The following XKR9 variants were observed in gnomAD, a reference collection of about 807,000 sequenced individuals.
XKR9 encodes XK-related protein 9.
A neutral mutation model predicts 32.0 loss-of-function variants in XKR9; 32 were observed. The ratio of observed to expected loss-of-function variants is 1.00; its 90% confidence interval spans 0.76 to 1.34. XKR9 has a LOEUF of 1.34. Among genes scored for constraint, XKR9 ranks in the 40% most tolerant of loss-of-function variants. The pLI, the probability that XKR9 is intolerant of heterozygous loss-of-function variation, is 0.00. For missense variants in XKR9, 546 were observed against 429.7 expected (o/e 1.27, Z -2.39); for synonymous variants, 168 against 143.4 (o/e 1.17, Z -1.22).
intron 2 of XKR9, among the ~76,000 whole-genome samples, chr8:70,756,681 C>G (rs1176974893): frequency 6.6e-6 from 1 of 152,118 alleles, no homozygotes; most frequent in Non-Finnish European, 1.5e-5. Flanking sequence ...AATGTATAGA[C>G]ATACTATTGA....
chr8:70,739,875 A>G (rs1025616917), downstream of XKR9, among the ~76,000 whole-genome samples: 13 of 152,158 alleles, frequency 8.5e-5, no homozygotes, highest in Non-Finnish European at 1.5e-4. Flanking sequence ...GGGTAACCCA[A>G]CCTTTCTCTC....
chr8:70,804,314 A>T, the XKR9 span, among the ~76,000 whole-genome samples: 1 of 152,258 alleles, frequency 6.6e-6, no homozygotes, highest in Admixed American at 6.5e-5. Context: ...GTTCACAGAG[A>T]AGTAAGACTG....
chr8:71,057,180 C>T, the XKR9 span, among the ~76,000 whole-genome samples: 1 of 152,168 alleles, frequency 6.6e-6, no homozygotes, highest in Non-Finnish European at 1.5e-5. Flanking sequence ...CTTCACACAA[C>T]AGTCAGGCAT....
rs421563 is a variant in XKR9, at chr8:70,743,209, C to T, written n.352+36056C>T. The stretch of plus-strand genomic sequence containing the variant: ...ATGAATTTTTAACATTTTTCAGATA[C>T]TGCATTTTTATGTTCTTGAAATTTC... On this transcript the variant is annotated intron_variant and non_coding_transcript_variant, in intron 2 of 3. Transcript: ENST00000520273. 1.4e-3 allele frequency among the ~76,000 whole-genome samples: 212 copies of T among 152,128 alleles called. 1 individual carries two copies. Among genetic ancestry groups the T allele is most frequent in the Middle Eastern group, 6.8e-3 (2 of 292 alleles).
chr8:70,753,952 A>G (rs924000339), intron 2 of XKR9, among the ~76,000 whole-genome samples: 1 of 123,902 alleles, frequency 8.1e-6, no homozygotes, highest in Non-Finnish European at 1.9e-5. Context: ...AGGGTATTCA[A>G]CTAGGAAAAG....
downstream of XKR9, among the ~76,000 whole-genome samples, chr8:70,738,124 T>C (rs1286719752): frequency 7.7e-6 from 1 of 129,228 alleles, no homozygotes; most frequent in African/African-American, 2.7e-5. Context: ...TGGTAAGCTA[T>C]TGATTATTGC....
At chr8:70,805,372 G>T in the XKR9 span, among the ~76,000 whole-genome samples, 1 of 152,182 alleles carries the variant, frequency 6.6e-6, no homozygotes, top group Non-Finnish European at 1.5e-5. Context: ...GCTGGAATCT[G>T]CTTAGCCTAC....
the XKR9 span, among the ~76,000 whole-genome samples, chr8:70,857,719 A>C: frequency 6.6e-6 from 1 of 152,210 alleles, no homozygotes; most frequent in Non-Finnish European, 1.5e-5. Context: ...ATCCTCAATA[A>C]AATACTGGGA....
rs11781911 is a variant in XKR9, at chr8:70,760,071, C to G, written n.353-29268C>G. On this transcript the variant is annotated intron_variant and non_coding_transcript_variant, in intron 2 of 3. Coordinates refer to the XKR9 transcript ENST00000520273. Reference sequence around the variant, plus strand: ...TATTCACATGTGAAGTTACTTGTTACAGAATGAATCTAATGAACTTTAAAA... The same window carrying G: ...TATTCACATGTGAAGTTACTTGTTAGAGAATGAATCTAATGAACTTTAAAA... 5.7e-3 allele frequency among the ~76,000 whole-genome samples: 873 copies of G among 152,270 alleles called. 7 individuals are homozygous for G. Among genetic ancestry groups the G allele is most frequent in the South Asian group, 0.034 (164 of 4,824 alleles).
At chr8:70,884,113 A>T in the XKR9 span, among the ~76,000 whole-genome samples, 1 of 152,136 alleles carries the variant, frequency 6.6e-6, no homozygotes, top group East Asian at 1.9e-4. Context: ...ATTTTAAAAA[A>T]ATTTCCAATT....
chr8:71,016,348 T>C, the XKR9 span, among the ~76,000 whole-genome samples: 4 of 152,100 alleles, frequency 2.6e-5, no homozygotes, highest in African/African-American at 9.7e-5. Flanking sequence ...GAGATCTGTT[T>C]AAGCCACGCA....
At chr8:70,797,033 C>G in the XKR9 span, among the ~76,000 whole-genome samples, 5 of 152,158 alleles carry the variant, frequency 3.3e-5, no homozygotes, top group Non-Finnish European at 5.9e-5. Flanking sequence ...CATTAAACCT[C>G]CATTTATTGG....
chr8:70,887,908 C>A, the XKR9 span, among the ~76,000 whole-genome samples: 2 of 152,102 alleles, frequency 1.3e-5, no homozygotes, highest in South Asian at 2.1e-4. Context: ...ATTTGAATAC[C>A]CTTTATTTCT....
the XKR9 span, among the ~76,000 whole-genome samples, chr8:70,889,501 C>G: frequency 5.9e-5 from 9 of 151,758 alleles, no homozygotes; most frequent in Non-Finnish European, 1.0e-4. Flanking sequence ...TTGATCTCAT[C>G]ACCCAGGTCC....
At chr8:70,841,314 A>G in the XKR9 span, among the ~76,000 whole-genome samples, 203 of 152,344 alleles carry the variant, frequency 1.3e-3, 2 homozygotes, top group Middle Eastern at 6.8e-3. Context: ...ATAATTAATC[A>G]GATTTCTGTG....
At chr8:70,814,941 A>G in the XKR9 span, among the ~76,000 whole-genome samples, 3 of 152,224 alleles carry the variant, frequency 2.0e-5, no homozygotes, top group Non-Finnish European at 4.4e-5. Context: ...GCATTTCCAT[A>G]CATCAATAAC....
At chr8:70,979,531 C>T in the XKR9 span, among the ~76,000 whole-genome samples, 1 of 152,196 alleles carries the variant, frequency 6.6e-6, no homozygotes, top group Non-Finnish European at 1.5e-5. Context: ...GCTGGAGGTC[C>T]ACTCCAGACT....
At chr8:70,691,391 G>A (rs752285992) in intron 3 of XKR9, among the ~76,000 whole-genome samples, 15 of 152,018 alleles carry the variant, frequency 9.9e-5, no homozygotes, top group East Asian at 3.9e-4. Flanking sequence ...AGTTTCTTTC[G>A]CTGTACAGAA....
chr8:70,792,660 G>A (rs751642860), downstream of XKR9, among the ~76,000 whole-genome samples: 1 of 152,122 alleles, frequency 6.6e-6, no homozygotes, highest in Non-Finnish European at 1.5e-5. Flanking sequence ...AAAGAGATGG[G>A]TGTGGGGGCA....
Sources: allele counts gnomAD v4.1 joint callset (sites outside exome capture counted in the v4.1 genomes callset), GRCh38; gene constraint gnomAD v4.1.1; transcripts MANE v1.5; gene names NCBI Gene and HGNC (gene_info 2026-07-23, HGNC 2026-07-21).